The following SEMA6D variants were observed in gnomAD, a reference collection of about 807,000 sequenced individuals.
SEMA6D encodes the protein semaphorin 6D.
SEMA6D carries 35 observed loss-of-function variants against 106.6 expected under a neutral mutation model. The ratio of observed to expected loss-of-function variants is 0.33; its 90% CI spans 0.25 to 0.44. The LOEUF (loss-of-function observed/expected upper bound fraction) is 0.44, where lower values mean the gene tolerates loss of function less well. SEMA6D is among the 20% of genes least tolerant of loss of function. The pLI, the probability that SEMA6D is intolerant of heterozygous loss-of-function variation, is 1.00. For missense variants in SEMA6D, 1,185 were observed against 1,345.9 expected (o/e 0.88, Z 1.87); for synonymous variants, 499 against 487.7 (o/e 1.02, Z -0.31).
rs1438943537 is a variant in SEMA6D, at chr15:47,761,331, A to T, written c.347A>T (p.Asp116Val). ...TAATGTAACTACTACTTTCTTTAGG[A>T]TGAATGCCACAACTTTATCAAAGTA... is the stretch of plus-strand genomic sequence containing the variant. ...ENCAMKGKHKDECHNFIKVFV... is the reference protein window; with the variant it reads ...ENCAMKGKHKVECHNFIKVFV... Residue 116 changes from aspartate to valine, a missense_variant and splice_region_variant, in exon 6 of 19, where the codon GAT becomes GTT. Physicochemically the swap from Asp to Val is radical, Grantham distance 152. This residue lies in a region of SEMA6D where 144 missense variants were observed against 138.6 expected (regional missense o/e 1.04). Transcript: ENST00000536845. 15 of 1,612,478 alleles carry T rather than the reference A, an allele frequency of 9.3e-6. No individual in the cohort carries two copies. The highest frequency in any genetic ancestry group is 5.0e-5 in the Admixed American group (3 of 59,834).
chr15:47,524,294 G>A lies in SEMA6D; in HGVS notation c.-87+53749G>A, dbSNP rs150739401. Among the ~76,000 whole-genome samples the A allele has an allele frequency of 3.9e-5, 6 of 152,194 alleles. 1 individual carries two copies. In the East Asian group the frequency reaches 9.7e-4, roughly 25 times the overall value. ...TGCTCAGCCTAATCCTCATCTCCCC[G>A]GGAGACTGGGAATTGTGCGGGAGAA... is the stretch of plus-strand genomic sequence containing the variant. On this transcript the variant is annotated intron_variant, in intron 3 of 19. Transcript: ENST00000558014.
intron 1 of SEMA6D, chr15:47,399,275 T>G (rs2040319805): frequency 6.6e-6 from 1 of 152,140 alleles, no homozygotes; most frequent in Admixed American, 6.5e-5. Flanking sequence ...ACAGTGAGCT[T>G]TCTAGTCCAC....
chr15:47,316,897 T>C (rs1249922579), intron 1 of SEMA6D, among the ~76,000 whole-genome samples: 1 of 152,148 alleles, frequency 6.6e-6, no homozygotes, highest in Non-Finnish European at 1.5e-5. Flanking sequence ...ACATCTTCGG[T>C]TTGGGGACAA....
At chr15:47,747,807 C>G (rs2081227424) in intron 1 of SEMA6D, among the ~76,000 whole-genome samples, 1 of 152,164 alleles carries the variant, frequency 6.6e-6, no homozygotes, top group Admixed American at 6.5e-5. Flanking sequence ...TAATTTATAA[C>G]TAGAAAAAAG....
At chr15:47,283,906 C>T (rs374926591) in intron 1 of SEMA6D, among the ~76,000 whole-genome samples, 8 of 152,304 alleles carry the variant, frequency 5.3e-5, no homozygotes, top group Admixed American at 3.9e-4. Flanking sequence ...ATACCTTACT[C>T]GGATAGGAAG....
intron 1 of SEMA6D, among the ~76,000 whole-genome samples, chr15:47,731,319 C>G (rs561677780): frequency 6.5e-4 from 99 of 151,952 alleles, no homozygotes; most frequent in Admixed American, 3.9e-4. Context: ...ACTGCCCCCC[C>G]GCCCCCGGTT....
intron 1 of SEMA6D, among the ~76,000 whole-genome samples, chr15:47,329,788 T>A (rs1217979103): frequency 6.6e-6 from 1 of 152,192 alleles, no homozygotes; most frequent in Non-Finnish European, 1.5e-5. Flanking sequence ...CTGTGTTTTT[T>A]AACAAGATCT....
intron 4 of SEMA6D, among the ~76,000 whole-genome samples, chr15:47,702,360 GACA>G (rs144448182): frequency 5.9e-4 from 90 of 152,278 alleles, no homozygotes; most frequent in African/African-American, 2.0e-3. Flanking sequence ...TCAGAACACT[GACA>G]ACAAGAAATG....
Position 47,266,018 on chromosome 15 carries a change from A to G in SEMA6D, c.-239+81600A>G, listed in dbSNP as rs551406107. ...CTATTGTCTGGAAATGTCCTAAGGC[A>G]TAAGGTTCTTAGCAAACTGATGTAA... is the stretch of plus-strand genomic sequence containing the variant. On this transcript the variant is annotated intron_variant, in intron 1 of 19. Coordinates refer to the SEMA6D transcript ENST00000558014. Among the ~76,000 whole-genome samples the G allele has an allele frequency of 3.0e-3, 460 of 152,232 alleles. 1 individual carries two copies. The highest frequency in any genetic ancestry group is 3.2e-3 in the Non-Finnish European group (220 of 67,998).
chr15:47,473,000 A>G (rs956058312), intron 3 of SEMA6D, among the ~76,000 whole-genome samples: 3 of 152,232 alleles, frequency 2.0e-5, no homozygotes, highest in Non-Finnish European at 2.9e-5. Context: ...TGTAACTGTG[A>G]TAAGTTAGAC....
chr15:47,439,513 C>T (rs2140738829), intron 2 of SEMA6D, among the ~76,000 whole-genome samples: 1 of 152,216 alleles, frequency 6.6e-6, no homozygotes, highest in African/African-American at 2.4e-5. Context: ...CTCTCCTTTA[C>T]AGAGAGAATT....
intron 1 of SEMA6D, among the ~76,000 whole-genome samples, chr15:47,224,631 A>G (rs569785994): frequency 5.9e-5 from 9 of 152,082 alleles, no homozygotes; most frequent in Non-Finnish European, 1.3e-4. Flanking sequence ...TTTCATTCCA[A>G]GTCACCAAAC....
At chr15:47,467,181 C>T (rs2042689236) in intron 2 of SEMA6D, among the ~76,000 whole-genome samples, 1 of 152,066 alleles carries the variant, frequency 6.6e-6, no homozygotes, top group South Asian at 2.1e-4. Flanking sequence ...ACCTGGAAAA[C>T]TGTGAGTTAT....
In SEMA6D at chr15:47,284,382, G is replaced by A. The variant is rs561112316; in HGVS notation, c.-239+99964G>A. 2.6e-5 allele frequency among the ~76,000 whole-genome samples: 4 copies of A among 152,246 alleles called. No individual in the cohort carries two copies. The South Asian group carries it at 8.3e-4, about 32-fold the overall frequency. On this transcript the variant is annotated intron_variant, in intron 1 of 19. Transcript: ENST00000558014. The stretch of plus-strand genomic sequence containing the variant: ...TGCAGTTGTGGTCATATGTCACTGG[G>A]CCCCCGTTTCTTAACCACTAACATA...
intron 1 of SEMA6D, among the ~76,000 whole-genome samples, chr15:47,305,634 G>T (rs140725605): frequency 1.0e-3 from 159 of 152,296 alleles, no homozygotes; most frequent in African/African-American, 3.8e-3. Context: ...ATTAGTTTAA[G>T]GTAGTATTTT....
intron 1 of SEMA6D, among the ~76,000 whole-genome samples, chr15:47,292,423 T>TA (rs1333521330): frequency 2.6e-5 from 4 of 152,270 alleles, no homozygotes; most frequent in African/African-American, 9.6e-5. Flanking sequence ...GGCAAAGTTT[T>TA]AAAAAAAATC....
intron 1 of SEMA6D, among the ~76,000 whole-genome samples, chr15:47,399,115 T>G (rs142074934): frequency 1.8e-3 from 272 of 152,340 alleles, no homozygotes; most frequent in Middle Eastern, 6.8e-3. Context: ...CTTCTATATA[T>G]TTCCTCAGTT....
chr15:47,426,067 C>T (rs1160206216), intron 2 of SEMA6D, among the ~76,000 whole-genome samples: 3 of 152,076 alleles, frequency 2.0e-5, no homozygotes, highest in African/African-American at 7.2e-5. Flanking sequence ...TTCTATTTGT[C>T]TCATGTCTTG....
chr15:47,282,770 C>G (rs2035185888), intron 1 of SEMA6D, among the ~76,000 whole-genome samples: 1 of 152,092 alleles, frequency 6.6e-6, no homozygotes, highest in Non-Finnish European at 1.5e-5. Context: ...GCTATGATGC[C>G]TTGTCTGTGT....
Sources: allele counts gnomAD v4.1 joint callset (sites outside exome capture counted in the v4.1 genomes callset), GRCh38; gene constraint gnomAD v4.1.1; regional missense constraint gnomAD v4.1.1; transcripts MANE v1.5; gene names NCBI Gene and HGNC (gene_info 2026-07-23, HGNC 2026-07-21).